The following ATAD2B variants were observed in gnomAD, a reference collection of about 807,000 sequenced individuals.
ATAD2B encodes ATPase family AAA domain containing 2B, also known as ATPase family AAA domain-containing protein 2B.
ATAD2B carries 40 observed loss-of-function variants against 167.6 expected under a neutral mutation model. That is an observed-to-expected ratio of 0.24 (90% CI 0.19 to 0.31). ATAD2B has a LOEUF of 0.31. Ranked by LOEUF, ATAD2B falls within the 10% of genes least tolerant of loss-of-function variation. The pLI, the probability that ATAD2B is intolerant of heterozygous loss-of-function variation, is 1.00. For synonymous variants in ATAD2B, 579 were observed against 596.5 expected (o/e 0.97, Z 0.43); for missense variants, 1,242 against 1,757.2 (o/e 0.71, Z 5.24).
At chr2:23,703,666 G>A in the ATAD2B span, 3 of 1,485,800 alleles carry the variant, frequency 2.0e-6, no homozygotes, top group African/African-American at 2.8e-5. Context: ...AAGAAAAGGA[G>A]AGGGAAGTCC....
chr2:23,881,530 T>C (rs1418360488), intron 6 of ATAD2B, among the ~76,000 whole-genome samples: 1 of 151,044 alleles, frequency 6.6e-6, no homozygotes, highest in Non-Finnish European at 1.5e-5. Flanking sequence ...CCCGGCTCAT[T>C]TTTTGTATTT....
At chr2:23,805,250 T>C (rs1684184850) in intron 18 of ATAD2B, among the ~76,000 whole-genome samples, 1 of 152,202 alleles carries the variant, frequency 6.6e-6, no homozygotes, top group Non-Finnish European at 1.5e-5. Context: ...AAAGAGAATT[T>C]TCTAAACAGT....
At chr2:23,924,637 ATCT>A (rs570886695) in intron 1 of ATAD2B, among the ~76,000 whole-genome samples, 254 of 152,354 alleles carry the variant, frequency 1.7e-3, no homozygotes, top group African/African-American at 4.4e-3. Context: ...CCGAACATAA[ATCT>A]TCTTAAGACT....
Position 23,862,401 on chromosome 2 carries a change from G to GTTTTTTTTTTT in ATAD2B, c.1479+969_1479+979dup, listed in dbSNP as rs750865073. Among the ~76,000 whole-genome samples the GTTTTTTTTTTT allele has an allele frequency of 1.0e-3, 102 of 99,428 alleles. 7 individuals are homozygous for GTTTTTTTTTTT. The highest frequency in any genetic ancestry group is 3.1e-3 in the African/African-American group (77 of 25,154). 65.2% of individuals were successfully genotyped at this position (99,428 alleles called of 152,430 possible). ...CAAAAGTGAATTTATATTTGGACTG[G>GTTTTTTTTTTT]TTTTTTTTTTTTTTTTTTTTTTTTT... On this transcript the variant is annotated intron_variant, in intron 12 of 27. Transcript: ENST00000238789.
At chr2:23,812,477 C>T (rs1685750579) in intron 17 of ATAD2B, among the ~76,000 whole-genome samples, 1 of 152,088 alleles carries the variant, frequency 6.6e-6, no homozygotes, top group Admixed American at 6.5e-5. Context: ...AAGTTGAAAT[C>T]CCAAAAGAAT....
chr2:23,757,418 C>A lies in ATAD2B; in HGVS notation c.4078G>T (p.Gly1360Cys). 1 of 1,457,028 alleles carries A rather than the reference C, an allele frequency of 6.9e-7. No homozygotes were observed. The highest frequency in any genetic ancestry group is 9.0e-7 in the Non-Finnish European group (1 of 1,105,402). 90.3% of individuals were successfully genotyped at this position (1,457,028 alleles called of 1,614,324 possible). The change falls in exon 25 of 28, where the codon GGT becomes TGT. Residue 1360 changes from glycine (G) to cysteine (C), a missense_variant and splice_region_variant. Transcript: ENST00000238789. ...AAGATTTTTCAAATATTAGCTCTAC[C>A]TTCTTTATCCAGTTCTGCATCTTTA... ...EVKDAELDKE[G>C]ASKVKKYRKL...
intron 19 of ATAD2B, among the ~76,000 whole-genome samples, chr2:23,790,038 T>G (rs1194275587): frequency 6.6e-6 from 1 of 152,208 alleles, no homozygotes; most frequent in African/African-American, 2.4e-5. Flanking sequence ...TTTCACCTTG[T>G]GTCGTTCCAG....
the ATAD2B span, among the ~76,000 whole-genome samples, chr2:23,736,243 C>T: frequency 6.6e-5 from 10 of 152,270 alleles, no homozygotes; most frequent in Admixed American, 1.3e-4. Context: ...CCCATTGTTA[C>T]TATTTTCAGC....
chr2:23,778,789 A>C (rs575346697), intron 22 of ATAD2B, among the ~76,000 whole-genome samples: 1 of 152,382 alleles, frequency 6.6e-6, no homozygotes, highest in South Asian at 2.1e-4. Flanking sequence ...TAAAATTCAG[A>C]AGGCTTAATT....
intron 1 of ATAD2B, among the ~76,000 whole-genome samples, chr2:23,908,328 A>G (rs1701787312): frequency 6.6e-6 from 1 of 152,234 alleles, no homozygotes; most frequent in East Asian, 1.9e-4. Flanking sequence ...TGGGTGAAGG[A>G]TATGAACAGA....
chr2:23,781,919 C>A (rs930248557), intron 22 of ATAD2B, among the ~76,000 whole-genome samples: 1 of 151,996 alleles, frequency 6.6e-6, no homozygotes, highest in Non-Finnish European at 1.5e-5. Context: ...CTCAAGTGAG[C>A]CTCCCACCTC....
chr2:23,829,520 G>T (rs997361033), intron 14 of ATAD2B, among the ~76,000 whole-genome samples: 4 of 152,166 alleles, frequency 2.6e-5, no homozygotes, highest in African/African-American at 9.7e-5. Flanking sequence ...GGATGCTGAG[G>T]TAGGAGGATC....
intron 1 of ATAD2B, among the ~76,000 whole-genome samples, chr2:23,902,958 C>T (rs1425913820): frequency 2.0e-5 from 3 of 151,916 alleles, no homozygotes; most frequent in Non-Finnish European, 4.4e-5. Context: ...TGTTTTTGGC[C>T]GGGCATGGTG....
the ATAD2B span, chr2:23,706,450 G>GT: frequency 7.3e-7 from 1 of 1,366,776 alleles, no homozygotes; most frequent in Non-Finnish European, 9.7e-7. Context: ...GAAGTGAAAT[G>GT]CCTAACTCTG....
In ATAD2B at chr2:23,847,878, A is replaced by G. The variant is rs180753230; in HGVS notation, c.1568+9537T>C. On this transcript the variant is annotated intron_variant, in intron 13 of 27. Transcript: ENST00000238789. ...CGTGGTGGCACGCAGCTGTAGCCCCAGCTACTCGGGAGGCTGAGGCAGGAG... is the reference window on the plus strand; with the variant it reads ...CGTGGTGGCACGCAGCTGTAGCCCCGGCTACTCGGGAGGCTGAGGCAGGAG... 2.2e-3 allele frequency among the ~76,000 whole-genome samples: 339 copies of G among 151,234 alleles called. 11 individuals carry two copies. The East Asian group carries it at 0.054, about 24-fold the overall frequency.
chr2:23,894,918 C>A (rs1394124815), intron 2 of ATAD2B, among the ~76,000 whole-genome samples: 1 of 152,066 alleles, frequency 6.6e-6, no homozygotes, highest in Non-Finnish European at 1.5e-5. Flanking sequence ...AGTACAGAGA[C>A]CCCTTAGGGA....
At chr2:23,708,460 G>A in the ATAD2B span, 6 of 152,196 alleles carry the variant, frequency 3.9e-5, no homozygotes, top group Non-Finnish European at 5.9e-5. Flanking sequence ...ATTGAAATTC[G>A]TTTCTCTCCT....
chr2:23,751,240 T>C lies in ATAD2B; in HGVS notation c.*806A>G, dbSNP rs1225791419. The stretch of plus-strand genomic sequence containing the variant: ...TATTCTTTGTTGTTATTCATGTTTC[T>C]TAAACCAAAACAGACCTTACAAGAA... On this transcript the variant is annotated 3_prime_UTR_variant, in exon 28 of 28. Coordinates refer to ENST00000238789, the MANE Select transcript of ATAD2B (RefSeq NM_017552.4). The C allele has an allele frequency of 1.3e-5, 2 of 152,146 alleles. No individual in the cohort carries two copies. The highest frequency in any genetic ancestry group is 2.9e-5 in the Non-Finnish European group (2 of 68,006). The allele number at this position is 152,146 out of a possible 1,614,324, so 9.4% of individuals were successfully genotyped here. A position where few individuals can be genotyped will look rare whatever the true frequency, so the allele number is the denominator to read the frequency against.
intron 17 of ATAD2B, among the ~76,000 whole-genome samples, chr2:23,813,179 T>C (rs1171520219): frequency 6.6e-6 from 1 of 151,586 alleles, no homozygotes; most frequent in Non-Finnish European, 1.5e-5. Context: ...CAGACAAACA[T>C]AAAAGGCAGC....
Sources: allele counts gnomAD v4.1 joint callset (sites outside exome capture counted in the v4.1 genomes callset), GRCh38; gene constraint gnomAD v4.1.1; transcripts MANE v1.5; gene names NCBI Gene and HGNC (gene_info 2026-07-23, HGNC 2026-07-21).